The following C1orf105 variants were observed in gnomAD, a reference collection of about 807,000 sequenced individuals.
C1orf105 encodes uncharacterized protein C1orf105.
Under a neutral mutation model 20.8 loss-of-function variants are expected in C1orf105, and 17 were observed. The ratio of observed to expected loss-of-function variants is 0.82; its 90% CI spans 0.56 to 1.23. The LOEUF is 1.23. Ranked by LOEUF, C1orf105 falls within the 50% of genes most tolerant of loss-of-function variation. C1orf105 has a pLI of 0.00. For missense variants in C1orf105, 219 were observed against 213.5 expected (o/e 1.03, Z -0.16); for synonymous variants, 72 against 72.1 (o/e 1.00, Z 0.01).
intron 1 of C1orf105, among the ~76,000 whole-genome samples, chr1:172,432,977 G>A (rs1403885599): frequency 1.3e-5 from 2 of 152,186 alleles, no homozygotes; most frequent in African/African-American, 4.8e-5. Flanking sequence ...GCATACACAA[G>A]CTTCAATAGC....
At chr1:172,426,149 C>G (rs2071716154) in intron 1 of C1orf105, among the ~76,000 whole-genome samples, 1 of 152,146 alleles carries the variant, frequency 6.6e-6, no homozygotes, top group African/African-American at 2.4e-5. Flanking sequence ...TCTGGATATG[C>G]ACTTCACAAT....
rs142189272 is a variant in C1orf105 at position 172,443,025 on chromosome 1, G to A, written c.22-2048G>A. On this transcript the variant is annotated intron_variant, in intron 1 of 6. Transcript: ENST00000367727. ...TAATAATAGACATCTGTTAGCTATC[G>A]CTTATTGAGTACCTACTATGTGCTA... The A allele has an allele frequency of 7.4e-3, 1,350 of 183,228 alleles. 24 individuals carry two copies. The highest frequency in any genetic ancestry group is 0.03 in the African/African-American group (1,274 of 41,800). 11.4% of individuals were successfully genotyped at this position (183,228 alleles called of 1,614,324 possible).
chr1:172,429,603 C>A (rs527265753), intron 1 of C1orf105, among the ~76,000 whole-genome samples: 38 of 152,312 alleles, frequency 2.5e-4, no homozygotes, highest in African/African-American at 8.2e-4. Flanking sequence ...GTCCTTGAGC[C>A]TTTGGCTTGG....
At chr1:172,429,619 G>A (rs2071814665) in intron 1 of C1orf105, among the ~76,000 whole-genome samples, 2 of 152,206 alleles carry the variant, frequency 1.3e-5, no homozygotes, top group Admixed American at 1.3e-4. Flanking sequence ...CTTGGAGGAT[G>A]TAAATGATGG....
At chr1:172,449,483 G>A (rs975827660) in intron 3 of C1orf105, among the ~76,000 whole-genome samples, 5 of 152,154 alleles carry the variant, frequency 3.3e-5, no homozygotes, top group African/African-American at 1.2e-4. Context: ...GAAGAGCCAG[G>A]GGTGGAGGAA....
chr1:172,453,121 A>G, intron 3 of C1orf105: 4 of 1,550,988 alleles, frequency 2.6e-6, no homozygotes, highest in Non-Finnish European at 3.5e-6. Flanking sequence ...CAATGCCCTC[A>G]TCCCTTCTCC....
At chr1:172,452,652 C>T in intron 3 of C1orf105, 1 of 416,608 alleles carries the variant, frequency 2.4e-6, no homozygotes, top group South Asian at 1.0e-4. Context: ...TTAGACACCG[C>T]AGCAGATATT....
chr1:172,456,531 G>C, intron 4 of C1orf105, 42 bp downstream of exon 4: 1 of 1,575,422 alleles, frequency 6.3e-7, no homozygotes, highest in South Asian at 1.1e-5. Context: ...GGCATCTCAG[G>C]GTGCAGCACT....
At chr1:172,442,376 G>T in intron 1 of C1orf105, 3 of 1,612,942 alleles carry the variant, frequency 1.9e-6, no homozygotes, top group Non-Finnish European at 2.5e-6. Flanking sequence ...AAAAGCCAAT[G>T]GGGGGCCAGA....
At chr1:172,435,184 A>G (rs889851140) in intron 1 of C1orf105, among the ~76,000 whole-genome samples, 3 of 152,236 alleles carry the variant, frequency 2.0e-5, no homozygotes, top group Admixed American at 2.0e-4. Flanking sequence ...AGGAGCTGGT[A>G]CCATTCCTTC....
At chr1:172,452,903 C>A in intron 3 of C1orf105, 1 of 1,491,050 alleles carries the variant, frequency 6.7e-7, no homozygotes, top group Non-Finnish European at 8.9e-7. Context: ...GGACAATTCC[C>A]TCTCCATTCC....
At chr1:172,433,284 C>T (rs2071929971) in intron 1 of C1orf105, among the ~76,000 whole-genome samples, 1 of 152,030 alleles carries the variant, frequency 6.6e-6, no homozygotes, top group Admixed American at 6.6e-5. Context: ...GAAGAGCAAC[C>T]CCAAGACACA....
intron 2 of C1orf105, among the ~76,000 whole-genome samples, chr1:172,448,175 G>A (rs1008857019): frequency 6.6e-6 from 1 of 152,206 alleles, no homozygotes; most frequent in East Asian, 1.9e-4. Flanking sequence ...CACATCTACT[G>A]TTGTGAACAA....
intron 1 of C1orf105, chr1:172,442,243 A>G: frequency 6.2e-7 from 1 of 1,613,990 alleles, no homozygotes; most frequent in East Asian, 2.2e-5. Flanking sequence ...AGTGAAAGTA[A>G]TGAAGACTAG....
intron 3 of C1orf105, among the ~76,000 whole-genome samples, chr1:172,450,692 T>G (rs1439928582): frequency 6.6e-6 from 1 of 152,088 alleles, no homozygotes; most frequent in Non-Finnish European, 1.5e-5. Context: ...GGGCAGAACT[T>G]TAAACACCCA....
chr1:172,446,055 G>A (rs1647965000), intron 2 of C1orf105, among the ~76,000 whole-genome samples: 1 of 152,036 alleles, frequency 6.6e-6, no homozygotes, highest in South Asian at 2.1e-4. Flanking sequence ...TTAGTAACAT[G>A]TACCTTTGCT....
At chr1:172,440,279 G>A (rs931333845) in intron 1 of C1orf105, among the ~76,000 whole-genome samples, 2 of 152,196 alleles carry the variant, frequency 1.3e-5, no homozygotes, top group African/African-American at 4.8e-5. Context: ...AGCTATCTTG[G>A]GAGGTGCCTG....
At chr1:172,468,201 A>G (rs924032918) in intron 6 of C1orf105, among the ~76,000 whole-genome samples, 1 of 152,312 alleles carries the variant, frequency 6.6e-6, no homozygotes, top group Middle Eastern at 3.4e-3. Flanking sequence ...CATTGACAAG[A>G]TTTGTAAAAG....
intron 1 of C1orf105, among the ~76,000 whole-genome samples, chr1:172,430,525 C>T (rs949961237): frequency 6.6e-6 from 1 of 152,126 alleles, no homozygotes; most frequent in Non-Finnish European, 1.5e-5. Flanking sequence ...ACTGCATTCT[C>T]GACCTCCTGG....
Sources: allele counts gnomAD v4.1 joint callset (sites outside exome capture counted in the v4.1 genomes callset), GRCh38; gene constraint gnomAD v4.1.1; transcripts MANE v1.5; gene names NCBI Gene and HGNC (gene_info 2026-07-23, HGNC 2026-07-21).